Variants in SLC29A3 observed in about 807,000 individuals in gnomAD.
The protein encoded by SLC29A3 is solute carrier family 29 member 3, also known as equilibrative nucleoside transporter 3.
SLC29A3 carries 18 observed loss-of-function variants against 25.4 expected under a neutral mutation model. That is an observed-to-expected ratio of 0.71 (90% confidence interval 0.49 to 1.05). The LOEUF is 1.05. Among genes scored for constraint, SLC29A3 ranks in the 50% least tolerant of loss-of-function variants. The pLI, the probability that SLC29A3 is intolerant of heterozygous loss-of-function variation, is 0.00. For missense variants in SLC29A3, 586 were observed against 609.0 expected, an observed-to-expected ratio of 0.96 and a Z score of 0.40; for synonymous variants, 258 against 267.1, an observed-to-expected ratio of 0.97 and a Z score of 0.33.
intron 2 of SLC29A3, among the ~76,000 whole-genome samples, chr10:71,334,331 G>T (rs754470844): frequency 6.6e-6 from 1 of 152,250 alleles, no homozygotes; most frequent in Non-Finnish European, 1.5e-5. Context: ...CCGCGTTCCA[G>T]TGTTCACACA....
intron 2 of SLC29A3, among the ~76,000 whole-genome samples, chr10:71,331,145 A>G (rs1846108628): frequency 6.6e-6 from 1 of 152,224 alleles, no homozygotes; most frequent in Non-Finnish European, 1.5e-5. Context: ...ACTTAAAAAA[A>G]GAAAACTCCA....
At chr10:71,351,892 A>G in intron 4 of SLC29A3, 104 bp downstream of exon 4, 4 of 969,948 alleles carry the variant, frequency 4.1e-6, no homozygotes, top group Non-Finnish European at 4.8e-6. Flanking sequence ...AGGAAATGGC[A>G]TGGGTGCTGA....
intron 2 of SLC29A3, among the ~76,000 whole-genome samples, chr10:71,332,230 C>T (rs1288250518): frequency 1.4e-5 from 2 of 145,106 alleles, no homozygotes; most frequent in African/African-American, 2.6e-5. Flanking sequence ...CTCCTGGGTT[C>T]ACTCTGCCTC....
At chr10:71,331,723 C>T (rs893971678) in intron 2 of SLC29A3, among the ~76,000 whole-genome samples, 6 of 152,234 alleles carry the variant, frequency 3.9e-5, no homozygotes, top group African/African-American at 1.2e-4. Context: ...CCCTGCTCTG[C>T]CTGTTTCCCC....
Position 71,362,855 on chromosome 10 carries a change from GGGTACTCCCTTCACA to G in SLC29A3, c.*249_*263del. The G allele has an allele frequency of 1.5e-6, 1 of 674,188 alleles. No homozygotes were observed. The highest frequency in any genetic ancestry group is 2.7e-6 in the Non-Finnish European group (1 of 369,212). The allele number at this position is 674,188 out of a possible 1,614,324, so 41.8% of individuals were successfully genotyped here. A position where few individuals can be genotyped will look rare whatever the true frequency, so the allele number is the denominator to read the frequency against. On this transcript the variant is annotated 3_prime_UTR_variant, in exon 6 of 6. Coordinates refer to ENST00000373189, the MANE Select transcript of SLC29A3 (RefSeq NM_018344.6). Reference sequence around the variant, plus strand: ...TTGAAGAAGAAATAGCACAAATCAGGGGTACTCCCTTCACAGCTGATGGTTAACATTCCACCTTCT... The same window carrying G: ...TTGAAGAAGAAATAGCACAAATCAGGGCTGATGGTTAACATTCCACCTTCT...
Position 71,362,063 on chromosome 10 carries a change from A to G in SLC29A3, c.883A>G (p.Thr295Ala). ...GGCCTCCAGATTCATTGATTCCCAC[A>G]CACCCCCTCTCCGCCCCATCCTGAA... ...SVASRFIDSH[T>A]PPLRPILKKT... The change falls in exon 6 of 6, where the codon ACA (threonine) becomes GCA (alanine). Residue 295 changes from threonine to alanine, a missense_variant. Thr to Ala is a moderately conservative substitution (Grantham distance 58). Transcript: ENST00000373189. 1 of 1,613,514 alleles carries G rather than the reference A, an allele frequency of 6.2e-7. No individual in the cohort carries two copies. The highest frequency in any genetic ancestry group is 8.5e-7 in the Non-Finnish European group (1 of 1,179,874).
chr10:71,335,360 G>T (rs1846220666), intron 2 of SLC29A3, among the ~76,000 whole-genome samples: 1 of 152,220 alleles, frequency 6.6e-6, no homozygotes, highest in South Asian at 2.1e-4. Context: ...AGCCCCCAAG[G>T]TTTCCGGCAA....
intron 2 of SLC29A3, among the ~76,000 whole-genome samples, chr10:71,325,047 G>A (rs1589221407): frequency 6.6e-6 from 1 of 152,200 alleles, no homozygotes; most frequent in Non-Finnish European, 1.5e-5. Context: ...GCCGAGATGA[G>A]ATGTTGCCAG....
intron 1 of SLC29A3, 89 bp downstream of exon 1, chr10:71,319,399 G>A (rs1589218032): frequency 3.6e-6 from 2 of 558,542 alleles, no homozygotes; most frequent in South Asian, 2.1e-5. Flanking sequence ...GGCCCTGGGG[G>A]CGGCTGCGGG....
In SLC29A3 at chr10:71,363,361, G is replaced by T. The variant is rs1469999154; in HGVS notation, c.*753G>T. ...ACATGTCAAAGCCATTGGTTCAAGG[G>T]CGTAATAAATACTTGCGTATTCAAT... On this transcript the variant is annotated 3_prime_UTR_variant, in exon 6 of 6. Coordinates refer to ENST00000373189, the MANE Select transcript of SLC29A3 (RefSeq NM_018344.6). The T allele has an allele frequency of 6.6e-6, 3 of 454,104 alleles. No homozygotes were observed. Among genetic ancestry groups the T allele is most frequent in the South Asian group, 4.7e-5 (3 of 64,476 alleles). 28.1% of individuals were successfully genotyped at this position (454,104 alleles called of 1,614,324 possible).
intron 4 of SLC29A3, chr10:71,352,610 G>C (rs1270202040): frequency 6.6e-6 from 1 of 152,342 alleles, no homozygotes; most frequent in East Asian, 1.9e-4. Flanking sequence ...ACAAGCACCA[G>C]TCCCCTCGGA....
rs761589276 is a variant in SLC29A3, at chr10:71,322,941, G to C, written c.187G>C (p.Gly63Arg). The change falls in exon 2 of 6, where the codon GGC becomes CGC. Residue 63 changes from glycine to arginine, a missense_variant. Transcript: ENST00000373189. ...TYIIFFSLGIGSLLPWNFFIT... is the reference protein window; with the variant it reads ...TYIIFFSLGIRSLLPWNFFIT... ...CATCATCTTCTTCAGCCTGGGCATTGGCAGTCTACTGCCATGGAACTTCTT... is the reference window on the plus strand; with the variant it reads ...CATCATCTTCTTCAGCCTGGGCATTCGCAGTCTACTGCCATGGAACTTCTT... 10 of 1,614,060 alleles carry C rather than the reference G, an allele frequency of 6.2e-6. No homozygotes were observed. Among genetic ancestry groups the C allele is most frequent in the Non-Finnish European group, 8.5e-6 (10 of 1,180,042 alleles).
Position 71,373,839 on chromosome 10 carries a change from G to A in SLC29A3, c.*95-1856G>A, listed in dbSNP as rs200724841. Among the ~76,000 whole-genome samples, 3 of 152,196 alleles carry A rather than the reference G, an allele frequency of 2.0e-5. No individual in the cohort carries two copies. In the East Asian group the frequency reaches 5.8e-4, roughly 29 times the overall value. On this transcript the variant is annotated intron_variant and NMD_transcript_variant, in intron 3 of 4. Coordinates refer to the SLC29A3 transcript ENST00000642772. The stretch of plus-strand genomic sequence containing the variant: ...AGACCCATGGCCCCAAGGGCAGACT[G>A]CTAAGGGCACACCTGGGTGCAAGGA...
Position 71,362,416 on chromosome 10 carries a change from T to C in SLC29A3, c.1236T>C (p.Asp412=), listed in dbSNP as rs775416112. 1.9e-6 allele frequency: 3 copies of C among 1,614,200 alleles called. No individual in the cohort carries two copies. The highest frequency in any genetic ancestry group is 1.7e-6 in the Non-Finnish European group (2 of 1,180,038). Residue 412 remains aspartate (D), a synonymous_variant, in exon 6 of 6, where the codon GAT becomes GAC. Coordinates refer to ENST00000373189, the MANE Select transcript of SLC29A3 (RefSeq NM_018344.6). ...VHLKTVVFQS[D]VYPALLSSLL... ...TGAAGACTGTGGTCTTCCAGTCCGA[T>C]GTGTACCCCGCACTCCTCAGCTCCC...
chr10:71,322,631 G>A, intron 1 of SLC29A3, 125 bp from the exon 2 acceptor site: 1 of 1,143,392 alleles, frequency 8.7e-7, no homozygotes, highest in Non-Finnish European at 1.3e-6. Flanking sequence ...CCAGGCTTTG[G>A]TGACTTTACA....
At chr10:71,354,246 G>A (rs1373515438) in intron 4 of SLC29A3, among the ~76,000 whole-genome samples, 1 of 152,120 alleles carries the variant, frequency 6.6e-6, no homozygotes, top group African/African-American at 2.4e-5. Context: ...TACGAGGTGG[G>A]TATTATTAAC....
At chr10:71,368,809 G>A (rs1308926895) in intron 3 of SLC29A3, among the ~76,000 whole-genome samples, 6 of 152,132 alleles carry the variant, frequency 3.9e-5, no homozygotes, top group Non-Finnish European at 7.3e-5. Flanking sequence ...CTGTGTGACT[G>A]AAGGTAAGTC....
chr10:71,324,850 G>A (rs1183234549), intron 2 of SLC29A3, among the ~76,000 whole-genome samples: 1 of 152,122 alleles, frequency 6.6e-6, no homozygotes, highest in Non-Finnish European at 1.5e-5. Flanking sequence ...TCTTGGCTAA[G>A]ACTGAGTTGG....
At chr10:71,325,099 C>T (rs1845935877) in intron 2 of SLC29A3, among the ~76,000 whole-genome samples, 1 of 152,168 alleles carries the variant, frequency 6.6e-6, no homozygotes, top group Non-Finnish European at 1.5e-5. Flanking sequence ...GCATCAGAAA[C>T]AAGAAGGGGG....
Sources: allele counts gnomAD v4.1 joint callset (sites outside exome capture counted in the v4.1 genomes callset), GRCh38; gene constraint gnomAD v4.1.1; transcripts MANE v1.5; gene names NCBI Gene and HGNC (gene_info 2026-07-23, HGNC 2026-07-21).